The following EPHA5 variants were observed in gnomAD, a reference collection of about 807,000 sequenced individuals.
EPHA5 encodes ephrin type-A receptor 5.
In EPHA5, 60 loss-of-function variants were observed where a neutral mutation model predicts 105.0. That is an observed-to-expected ratio of 0.57 (90% confidence interval 0.46 to 0.71). EPHA5 has a LOEUF of 0.71. Among genes scored for constraint, EPHA5 ranks in the 30% least tolerant of loss-of-function variants. The pLI, the probability that EPHA5 is intolerant of heterozygous loss-of-function variation, is 0.00. For synonymous variants in EPHA5, 513 were observed against 449.1 expected (o/e 1.14, Z -1.80); for missense variants, 1,218 against 1,274.7 (o/e 0.96, Z 0.68).
intron 3 of EPHA5, among the ~76,000 whole-genome samples, chr4:65,536,430 T>C (rs1265201237): frequency 6.6e-6 from 1 of 151,910 alleles, no homozygotes; most frequent in Non-Finnish European, 1.5e-5. Context: ...CCGTTTCTGG[T>C]CTAGGGTATA....
intron 8 of EPHA5, among the ~76,000 whole-genome samples, chr4:65,381,273 ATGT>A (rs1269973158): frequency 2.6e-5 from 4 of 151,776 alleles, no homozygotes; most frequent in African/African-American, 9.7e-5. Context: ...GAAGCAATTA[ATGT>A]AAATATGGTA....
At chr4:65,500,559 T>G (rs1732385397) in intron 3 of EPHA5, among the ~76,000 whole-genome samples, 1 of 150,600 alleles carries the variant, frequency 6.6e-6, no homozygotes, top group Admixed American at 6.6e-5. Flanking sequence ...AAAAAAAAAT[T>G]AAACTGACAA....
chr4:65,574,522 A>C (rs951213645), intron 3 of EPHA5, among the ~76,000 whole-genome samples: 1 of 147,894 alleles, frequency 6.8e-6, no homozygotes, highest in Admixed American at 6.8e-5. Context: ...ATTCCACATA[A>C]TGTAGTCTAA....
chr4:65,391,578 G>A (rs1720719228), intron 8 of EPHA5, among the ~76,000 whole-genome samples: 2 of 152,098 alleles, frequency 1.3e-5, no homozygotes, highest in African/African-American at 4.8e-5. Context: ...ATAGGGCAGT[G>A]CTATTGATTT....
chr4:65,398,918 G>C (rs927106799), intron 8 of EPHA5, among the ~76,000 whole-genome samples: 1 of 152,184 alleles, frequency 6.6e-6, no homozygotes, highest in African/African-American at 2.4e-5. Context: ...AGTTGTCCAT[G>C]TACCTCATTC....
At chr4:65,454,291 A>AAATAAT (rs572468101) in intron 5 of EPHA5, among the ~76,000 whole-genome samples, 17 of 149,854 alleles carry the variant, frequency 1.1e-4, no homozygotes, top group African/African-American at 3.9e-4. Context: ...TAATAATAAT[A>AAATAAT]AATAATAATA....
Position 65,321,837 on chromosome 4 carries a change from A to T in EPHA5, c.*2277T>A. 1 of 227,072 alleles carries T rather than the reference A, an allele frequency of 4.4e-6. No homozygotes were observed. The highest frequency in any genetic ancestry group is 8.8e-6 in the Non-Finnish European group (1 of 114,070). The allele number at this position is 227,072 out of a possible 1,614,324, so 14.1% of individuals were successfully genotyped here. Reference sequence around the variant, plus strand: ...TTTGTTATGTCTAAGCAATTGTGGCAAGTTCATCAGCCCTAAAGCATATGG... The same window carrying T: ...TTTGTTATGTCTAAGCAATTGTGGCTAGTTCATCAGCCCTAAAGCATATGG... On this transcript the variant is annotated 3_prime_UTR_variant, in exon 17 of 17. Coordinates refer to ENST00000613740, the MANE Select transcript of EPHA5 (RefSeq NM_001281766.3).
rs760063547 is a variant in EPHA5, at chr4:65,581,134, C to A, written c.910+20507G>T. ...TTTGTTCTCCCATTTATTTAGCCCACAACAATTTGCTCCTTTGGTGACTCG... is the reference window on the plus strand; with the variant it reads ...TTTGTTCTCCCATTTATTTAGCCCAAAACAATTTGCTCCTTTGGTGACTCG... On this transcript the variant is annotated intron_variant, in intron 3 of 16. Transcript: ENST00000613740. Among the ~76,000 whole-genome samples, 15 of 151,722 alleles carry A rather than the reference C, an allele frequency of 9.9e-5. 1 individual carries two copies. The highest frequency in any genetic ancestry group is 2.1e-4 in the Non-Finnish European group (14 of 67,722).
chr4:65,460,248 A>C (rs1207563718), intron 5 of EPHA5, among the ~76,000 whole-genome samples: 1 of 151,596 alleles, frequency 6.6e-6, no homozygotes, highest in Non-Finnish European at 1.5e-5. Context: ...TTTTAATATT[A>C]TATAGTCTCA....
intron 3 of EPHA5, among the ~76,000 whole-genome samples, chr4:65,523,633 A>G (rs1232723396): frequency 2.6e-5 from 4 of 151,978 alleles, no homozygotes; most frequent in Non-Finnish European, 4.4e-5. Context: ...CCTTTATAGA[A>G]TCTCTCACAT....
chr4:65,546,184 G>A (rs906651844), intron 3 of EPHA5, among the ~76,000 whole-genome samples: 1 of 151,934 alleles, frequency 6.6e-6, no homozygotes, highest in African/African-American at 2.4e-5. Flanking sequence ...CTGAGTTCAT[G>A]GTAAGGCAGT....
At chr4:65,429,151 T>A (rs558501092) in intron 5 of EPHA5, among the ~76,000 whole-genome samples, 45 of 152,164 alleles carry the variant, frequency 3.0e-4, no homozygotes, top group Non-Finnish European at 6.2e-4. Flanking sequence ...AGAATTCAAA[T>A]AATTTTTACA....
intron 14 of EPHA5, among the ~76,000 whole-genome samples, chr4:65,339,971 C>T (rs1721554404): frequency 2.0e-5 from 3 of 152,220 alleles, no homozygotes; most frequent in African/African-American, 7.2e-5. Context: ...TGCTGTTGAA[C>T]AAAATTATGT....
chr4:65,568,982 CATA>C (rs1739842471), intron 3 of EPHA5, among the ~76,000 whole-genome samples: 1 of 150,866 alleles, frequency 6.6e-6, no homozygotes, highest in Admixed American at 6.6e-5. Context: ...ATTTTTAAAG[CATA>C]ATAACAGAGA....
Position 65,627,900 on chromosome 4 carries a change from T to C in EPHA5, c.246+15463A>G, listed in dbSNP as rs201944775. 1.8e-4 allele frequency among the ~76,000 whole-genome samples: 27 copies of C among 152,220 alleles called. 1 individual carries two copies. The East Asian group carries it at 3.9e-3, about 22-fold the overall frequency. On this transcript the variant is annotated intron_variant, in intron 2 of 16. Coordinates refer to ENST00000613740, the MANE Select transcript of EPHA5 (RefSeq NM_001281766.3). ...TCATATTTCAAATCAGTCAAAAAAA[T>C]AAAAGCATAAACTATGTGTATTAAA...
At position 65,538,084 on chromosome 4, in the gene EPHA5, G is replaced by A. The variant is rs536056983; in HGVS notation, c.911-42541C>T. 1.4e-4 allele frequency among the ~76,000 whole-genome samples: 22 copies of A among 151,842 alleles called. 1 individual carries two copies. In the South Asian group the frequency reaches 3.7e-3, roughly 26 times the overall value. On this transcript the variant is annotated intron_variant, in intron 3 of 16. Coordinates refer to ENST00000613740, the MANE Select transcript of EPHA5 (RefSeq NM_001281766.3). ...TGTCAGAAGGACCTGACTTGAATTC[G>A]TCATTGCTCAGCTGGTCATTTAGTT...
chr4:65,623,025 A>C (rs1295195430), intron 2 of EPHA5, among the ~76,000 whole-genome samples: 3 of 152,114 alleles, frequency 2.0e-5, no homozygotes, highest in Non-Finnish European at 4.4e-5. Context: ...TTTGGATAAC[A>C]TGGGTTTAGG....
intron 3 of EPHA5, among the ~76,000 whole-genome samples, chr4:65,500,603 A>G (rs1382420594): frequency 1.3e-5 from 2 of 151,132 alleles, no homozygotes; most frequent in African/African-American, 2.4e-5. Flanking sequence ...TTTCAATTAA[A>G]TTTCTTTTAA....
chr4:65,371,574 T>A (rs753432192), intron 8 of EPHA5, among the ~76,000 whole-genome samples: 2 of 152,026 alleles, frequency 1.3e-5, no homozygotes, highest in Non-Finnish European at 2.9e-5. Flanking sequence ...ATAACTTAGT[T>A]CTTGAGTATA....
Sources: allele counts gnomAD v4.1 joint callset (sites outside exome capture counted in the v4.1 genomes callset), GRCh38; gene constraint gnomAD v4.1.1; transcripts MANE v1.5; gene names NCBI Gene and HGNC (gene_info 2026-07-23, HGNC 2026-07-21).